RBFOX2: variants seen among roughly 807,000 people sequenced by gnomAD.
RBFOX2 encodes the protein RNA binding protein fox-1 homolog 2.
A neutral mutation model predicts 49.1 loss-of-function variants in RBFOX2; 10 were observed. The observed-to-expected ratio is 0.20, with a 90% CI of 0.13 to 0.35. The LOEUF (loss-of-function observed/expected upper bound fraction) is 0.35, where lower values mean the gene tolerates loss of function less well. Among genes scored for constraint, RBFOX2 ranks in the 10% least tolerant of loss-of-function variants. The pLI is 1.00. For synonymous variants in RBFOX2, 183 were observed against 187.4 expected (o/e 0.98, Z 0.19); for missense variants, 323 against 486.9 (o/e 0.66, Z 3.17).
intron 1 of RBFOX2, among the ~76,000 whole-genome samples, chr22:35,867,561 TTTTAA>T (rs1487796830): frequency 6.6e-6 from 1 of 152,176 alleles, no homozygotes; most frequent in Non-Finnish European, 1.5e-5. Context: ...GTAATAGCCT[TTTTAA>T]TTTGTTATTC....
At chr22:35,889,639 C>A (rs1379877060) in intron 1 of RBFOX2, among the ~76,000 whole-genome samples, 1 of 152,158 alleles carries the variant, frequency 6.6e-6, no homozygotes, top group Non-Finnish European at 1.5e-5. Context: ...AACTTCACTT[C>A]ACCCTACTCC....
At chr22:35,976,660 CA>C (rs1406944441) in intron 1 of RBFOX2, among the ~76,000 whole-genome samples, 2 of 152,040 alleles carry the variant, frequency 1.3e-5, no homozygotes, top group African/African-American at 4.8e-5. Context: ...AAAATGAACT[CA>C]GTAAGAAAAC....
At chr22:35,904,943 C>T (rs950169922) in intron 1 of RBFOX2, among the ~76,000 whole-genome samples, 1 of 152,166 alleles carries the variant, frequency 6.6e-6, no homozygotes, top group Admixed American at 6.5e-5. Context: ...ATAGGGCAGA[C>T]ATAAAACATT....
chr22:35,862,529 A>G (rs1416590874), intron 1 of RBFOX2, among the ~76,000 whole-genome samples: 1 of 152,122 alleles, frequency 6.6e-6, no homozygotes, highest in Non-Finnish European at 1.5e-5. Flanking sequence ...TAGCACGTGC[A>G]TACATCCTCC....
At chr22:35,843,356 C>T (rs1220730182), upstream of RBFOX2, among the ~76,000 whole-genome samples, 1 of 152,164 alleles carries the variant, frequency 6.6e-6, no homozygotes, top group Non-Finnish European at 1.5e-5. Context: ...GCTTTCAGGA[C>T]AGTGTCTGGG....
intron 1 of RBFOX2, among the ~76,000 whole-genome samples, chr22:35,886,151 C>T (rs1481419456): frequency 2.0e-5 from 3 of 152,066 alleles, no homozygotes; most frequent in Non-Finnish European, 4.4e-5. Context: ...CCACCGCGCC[C>T]GGCCCAAACA....
At chr22:36,016,088 C>T (rs1244036638) in intron 1 of RBFOX2, among the ~76,000 whole-genome samples, 1 of 152,142 alleles carries the variant, frequency 6.6e-6, no homozygotes. Context: ...CACATACCCC[C>T]TGAAAGTAAC....
Position 35,809,902 on chromosome 22 carries a change from C to A in RBFOX2, c.130G>T (p.Val44Leu), listed in dbSNP as rs375007449. The A allele has an allele frequency of 4.9e-4, 798 of 1,613,898 alleles. 13 individuals carry two copies. In the South Asian group the frequency reaches 8.2e-3, roughly 17 times the overall value. ...CCGGCATAGTCTTGAGTGTGTGGCA[C>A]CCCATACTCTGTGGGAATTCCATTC... The change falls in exon 2 of 12, where the codon GTG (valine) becomes TTG (leucine). Residue 44 changes from valine to leucine, a missense_variant. Transcript: ENST00000405409.
At chr22:35,911,191 C>G (rs2049785143) in intron 1 of RBFOX2, among the ~76,000 whole-genome samples, 1 of 152,152 alleles carries the variant, frequency 6.6e-6, no homozygotes, top group Non-Finnish European at 1.5e-5. Flanking sequence ...TTATCTTTAT[C>G]TCCCCCAGGT....
intron 1 of RBFOX2, among the ~76,000 whole-genome samples, chr22:36,008,619 C>A (rs765830726): frequency 1.3e-5 from 2 of 152,038 alleles, no homozygotes; most frequent in Non-Finnish European, 2.9e-5. Flanking sequence ...GAGTTTAAGA[C>A]CAGCCTGGCC....
At chr22:35,924,334 T>A (rs1319559570) in intron 1 of RBFOX2, among the ~76,000 whole-genome samples, 1 of 152,170 alleles carries the variant, frequency 6.6e-6, no homozygotes, top group East Asian at 1.9e-4. Flanking sequence ...ACAAAGCTTG[T>A]GAGAGCACAG....
At chr22:35,854,481 C>G (rs2042293577) in intron 1 of RBFOX2, among the ~76,000 whole-genome samples, 1 of 151,816 alleles carries the variant, frequency 6.6e-6, no homozygotes, top group South Asian at 2.1e-4. Flanking sequence ...ATACTCCCAC[C>G]TACTTCGGAG....
intron 2 of RBFOX2, among the ~76,000 whole-genome samples, chr22:35,800,505 T>C (rs1949574883): frequency 2.0e-5 from 3 of 152,230 alleles, no homozygotes; most frequent in Admixed American, 1.3e-4. Context: ...ACCTATGCTT[T>C]TATCCCGAGG....
chr22:35,759,901 G>T lies in RBFOX2; in HGVS notation c.874C>A (p.Pro292Thr), dbSNP rs755761184. 1 of 1,613,672 alleles carries T rather than the reference G, an allele frequency of 6.2e-7. No homozygotes were observed. Among genetic ancestry groups the T allele is most frequent in the Non-Finnish European group, 8.5e-7 (1 of 1,179,990 alleles). ...TCTAACGCTTACCCTGGATAGGCGGGGATGGCTGTTGGAGGTACCGCTCGG... is the reference window on the plus strand; with the variant it reads ...TCTAACGCTTACCCTGGATAGGCGGTGATGGCTGTTGGAGGTACCGCTCGG... Residue 292 changes from proline to threonine, a missense_variant, in exon 9 of 12, where the codon CCC becomes ACC. Physicochemically the swap from Pro to Thr is conservative, Grantham distance 38. This residue lies in a region of RBFOX2 where 200 missense variants were observed against 370.0 expected (regional missense o/e 0.54). Coordinates refer to ENST00000405409, the Ensembl canonical transcript of RBFOX2. The surrounding 1 kb of genome is among the most constrained non-coding windows in gnomAD (Gnocchi z 4.6).
chr22:35,774,760 G>A (rs1943482729), intron 4 of RBFOX2, among the ~76,000 whole-genome samples: 1 of 152,150 alleles, frequency 6.6e-6, no homozygotes, highest in African/African-American at 2.4e-5. Flanking sequence ...GCATGAGCAT[G>A]GCAGTGGAAC....
intron 1 of RBFOX2, among the ~76,000 whole-genome samples, chr22:36,026,572 A>ACC (rs1491072997): frequency 1.3e-5 from 2 of 151,394 alleles, no homozygotes; most frequent in African/African-American, 2.4e-5. Flanking sequence ...ACACACACAC[A>ACC]CCAAGTAGAA....
intron 1 of RBFOX2, among the ~76,000 whole-genome samples, chr22:35,944,331 T>C (rs1216131221): frequency 6.6e-6 from 1 of 152,188 alleles, no homozygotes; most frequent in Non-Finnish European, 1.5e-5. Flanking sequence ...ACAGTGATTT[T>C]TAAAGCCGTT....
intron 1 of RBFOX2, among the ~76,000 whole-genome samples, chr22:35,836,107 G>C (rs79330410): frequency 2.0e-5 from 3 of 152,090 alleles, no homozygotes; most frequent in Non-Finnish European, 4.4e-5. Context: ...GATAAGGTTC[G>C]AGTGGCAAGG....
chr22:35,781,882 C>G, intron 2 of RBFOX2, 136 bp from the exon 4 acceptor site: 1 of 938,792 alleles, frequency 1.1e-6, no homozygotes, highest in Non-Finnish European at 1.6e-6. Flanking sequence ...ACAAAAGCAA[C>G]AACAACAGCA....
Sources: allele counts gnomAD v4.1 joint callset (sites outside exome capture counted in the v4.1 genomes callset), GRCh38; gene constraint gnomAD v4.1.1; regional missense constraint gnomAD v4.1.1; non-coding constraint Gnocchi (gnomAD v3.1); transcripts MANE v1.5; gene names NCBI Gene and HGNC (gene_info 2026-07-23, HGNC 2026-07-21).